The following LTBP2 variants were observed in gnomAD, a reference collection of about 807,000 sequenced individuals.
LTBP2 encodes the protein latent-transforming growth factor beta-binding protein 2.
A neutral mutation model predicts 210.6 loss-of-function variants in LTBP2; 103 were observed. The observed-to-expected ratio is 0.49, with a 90% CI of 0.42 to 0.58. The LOEUF is 0.58. LTBP2 is among the 20% of genes least tolerant of loss of function. LTBP2 has a pLI of 0.00. For missense variants in LTBP2, 2,313 were observed against 2,494.5 expected (o/e 0.93, Z 1.55); for synonymous variants, 1,007 against 1,015.0 (o/e 0.99, Z 0.15).
At chr14:74,536,212 A>G (rs2087419970) in intron 8 of LTBP2, among the ~76,000 whole-genome samples, 1 of 152,218 alleles carries the variant, frequency 6.6e-6, no homozygotes, top group Admixed American at 6.5e-5. Context: ...TACTAAGTGA[A>G]ATAAGACAGG....
At chr14:74,532,390 A>G in intron 10 of LTBP2, 36 bp downstream of exon 10, 1 of 1,612,164 alleles carries the variant, frequency 6.2e-7, no homozygotes, top group Non-Finnish European at 8.5e-7. Flanking sequence ...CTTGTCTCCC[A>G]CTGTCCACCC....
chr14:74,555,619 G>T lies in LTBP2; in HGVS notation c.905C>A (p.Pro302Gln). Residue 302 changes from proline to glutamine, a missense_variant, in exon 4 of 36, where the codon CCG (proline) becomes CAG (glutamine). Around this residue, in one of 3 missense-constraint regions of LTBP2, gnomAD observed 1,867 missense variants for 1,976.9 expected, o/e 0.94. Coordinates refer to ENST00000261978, the MANE Select transcript of LTBP2 (RefSeq NM_000428.3). ...VGLSRTVRLHPTATASSQLSS... is the reference protein window; with the variant it reads ...VGLSRTVRLHQTATASSQLSS... ...GAGCTGGCTACTGGCCGTGGCAGTC[G>T]GGTGAAGTCGGACAGTGCGGGACAA... 6.2e-7 allele frequency: 1 copy of T among 1,609,370 alleles called. No individual in the cohort carries two copies. The highest frequency in any genetic ancestry group is 8.5e-7 in the Non-Finnish European group (1 of 1,177,110).
chr14:74,502,418 A>C (rs2086920946), intron 34 of LTBP2: 1 of 636,336 alleles, frequency 1.6e-6, no homozygotes, highest in African/African-American at 1.8e-5. Context: ...AGGTTGGGAC[A>C]GGGGCAGTGT....
rs61729544 is a variant in LTBP2 at position 74,509,308 on chromosome 14, C to A, written c.3333G>T (p.Thr1111=). The part of the protein sequence containing the change: ...GVCPSGVCTN[T]AGSFSCKDCD... ...AGTCCTTGCAGGAGAAGGAGCCAGC[C>A]GTGTTGGTGCAGACTCCGGAGGGGC... Residue 1111 remains threonine (T), a synonymous_variant, in exon 22 of 36, where the codon ACG becomes ACT. Transcript: ENST00000261978. 1.9e-6 allele frequency: 3 copies of A among 1,613,676 alleles called. No individual in the cohort carries two copies. The highest frequency in any genetic ancestry group is 3.3e-5 in the Admixed American group (2 of 60,024).
rs147745131 is a variant in LTBP2, at chr14:74,516,788, GT to G, written c.2908+33del. On this transcript the variant is annotated intron_variant, in intron 18 of 35. Transcript: ENST00000261978. ...TAGGGAGGGACAGGTGGGTGGTGGG[GT>G]GGCAGGGCGCTTCCCTCCTTCCCGT... The G allele has an allele frequency of 0.42, 645,760 of 1,537,392 alleles. 139,741 individuals are homozygous for G. The highest frequency in any genetic ancestry group is 0.45 in the Non-Finnish European group (512,050 of 1,137,094).
chr14:74,538,804 A>G (rs183063157), intron 8 of LTBP2, among the ~76,000 whole-genome samples: 69 of 152,354 alleles, frequency 4.5e-4, no homozygotes, highest in African/African-American at 1.6e-3. Flanking sequence ...TGCACGTTCC[A>G]TGTAGGGACC....
intron 31 of LTBP2, 39 bp from the exon 32 acceptor site, chr14:74,503,645 C>A: frequency 6.2e-7 from 1 of 1,610,194 alleles, no homozygotes; most frequent in Non-Finnish European, 8.5e-7. Context: ...GCCAAGGTGG[C>A]CTTTCCACCA....
chr14:74,542,320 C>T lies in LTBP2; in HGVS notation c.1790-6320G>A, dbSNP rs1362196353. Among the ~76,000 whole-genome samples the T allele has an allele frequency of 3.8e-4, 58 of 152,338 alleles. 1 individual carries two copies. The highest frequency in any genetic ancestry group is 1.0e-4 in the Non-Finnish European group (7 of 68,028). ...AGCCTGCCCCTGCCCTGCTAACTCT[C>T]CCCCTCGGCTGCTGGGACTCCCAAG... On this transcript the variant is annotated intron_variant, in intron 8 of 35. Coordinates refer to ENST00000261978, the MANE Select transcript of LTBP2 (RefSeq NM_000428.3).
At chr14:74,539,612 A>G (rs769304735) in intron 8 of LTBP2, among the ~76,000 whole-genome samples, 19 of 152,024 alleles carry the variant, frequency 1.2e-4, no homozygotes, top group Non-Finnish European at 2.6e-4. Context: ...GGGCTGAGGT[A>G]GGAGGATCAC....
intron 1 of LTBP2, among the ~76,000 whole-genome samples, chr14:74,608,356 C>T (rs2088556880): frequency 6.6e-6 from 1 of 151,808 alleles, no homozygotes; most frequent in African/African-American, 2.4e-5. Context: ...AATAACAGAA[C>T]AAGAGGGAAA....
At chr14:74,519,020 T>C (rs1459566360) in intron 17 of LTBP2, among the ~76,000 whole-genome samples, 1 of 152,110 alleles carries the variant, frequency 6.6e-6, no homozygotes, top group African/African-American at 2.4e-5. Flanking sequence ...GAGACGTGAA[T>C]AGAGAAAGAC....
At chr14:74,540,801 A>AT (rs2087485674) in intron 8 of LTBP2, among the ~76,000 whole-genome samples, 1 of 16,862 alleles carries the variant, frequency 5.9e-5, no homozygotes, top group Non-Finnish European at 1.5e-3. Flanking sequence ...ATATTTATAT[A>AT]TATATATAAT....
Position 74,551,253 on chromosome 14 carries a change from C to A in LTBP2, c.1497G>T (p.Glu499Asp). ...HQVAQVRGGVEEALVENSVET... is the reference protein window; with the variant it reads ...HQVAQVRGGVDEALVENSVET... ...CCACGCTGTTCTCCACTAGGGCCTC[C>A]TCCACCCCGCCCCGCACCTGGGCCA... The change falls in exon 7 of 36, where the codon GAG becomes GAT. Residue 499 changes from glutamate to aspartate, a missense_variant. By Grantham distance (45) the Glu-to-Asp change is conservative (BLOSUM62 2). Coordinates refer to ENST00000261978, the MANE Select transcript of LTBP2 (RefSeq NM_000428.3). 6.2e-7 allele frequency: 1 copy of A among 1,611,806 alleles called. No homozygotes were observed. The highest frequency in any genetic ancestry group is 8.5e-7 in the Non-Finnish European group (1 of 1,179,328).
chr14:74,611,659 T>TG lies in LTBP2; in HGVS notation c.285dup (p.Arg96GlnfsTer130). On this transcript the variant is annotated frameshift_variant, in exon 1 of 36. Coordinates refer to ENST00000261978, the MANE Select transcript of LTBP2 (RefSeq NM_000428.3). LOFTEE classifies it high-confidence loss of function. ...CTGGCCTCCGCCTCGGTGGGCCTCC[T>TG]GGGGCTCCCCCAGCCCGGCTGGGCC... 12 of 1,558,566 alleles carry TG rather than the reference T, an allele frequency of 7.7e-6. No individual in the cohort carries two copies. Among genetic ancestry groups the TG allele is most frequent in the Non-Finnish European group, 1.0e-5 (12 of 1,158,050 alleles).
In LTBP2 at chr14:74,507,363, G is replaced by T; in HGVS notation, c.3776-53C>A. 1.9e-6 allele frequency: 3 copies of T among 1,612,248 alleles called. No individual in the cohort carries two copies. The South Asian group carries it at 3.3e-5, about 18-fold the overall frequency. On this transcript the variant is annotated intron_variant, in intron 25 of 35. Transcript: ENST00000261978. ...GGACAGAGGTGGCCAGGTCACTGCT[G>T]TGGTCCCACAGGGTCATGCCCCACA...
At chr14:74,505,442 TC>T (rs2139690516) in intron 28 of LTBP2, among the ~76,000 whole-genome samples, 1 of 152,286 alleles carries the variant, frequency 6.6e-6, no homozygotes, top group Admixed American at 6.5e-5. Context: ...TGACCCCAGT[TC>T]CTCCTCCCCT....
At chr14:74,566,228 G>T (rs776756125) in intron 3 of LTBP2, among the ~76,000 whole-genome samples, 1 of 152,186 alleles carries the variant, frequency 6.6e-6, no homozygotes, top group Non-Finnish European at 1.5e-5. Flanking sequence ...TTTGAGAAAT[G>T]TAAGAGGAAA....
chr14:74,504,162 A>C, intron 30 of LTBP2, 108 bp from the exon 31 acceptor site: 1 of 1,435,298 alleles, frequency 7.0e-7, no homozygotes, highest in South Asian at 1.2e-5. Flanking sequence ...TCTGCCACTT[A>C]CTAGGTGGCT....
chr14:74,603,574 G>C, intron 2 of LTBP2, 61 bp downstream of exon 2: 1 of 1,552,914 alleles, frequency 6.4e-7, no homozygotes, highest in Admixed American at 1.7e-5. Context: ...TGGGAGTAGG[G>C]TGGGGAATGG....
Sources: allele counts gnomAD v4.1 joint callset (sites outside exome capture counted in the v4.1 genomes callset), GRCh38; gene constraint gnomAD v4.1.1; regional missense constraint gnomAD v4.1.1; transcripts MANE v1.5; gene names NCBI Gene and HGNC (gene_info 2026-07-23, HGNC 2026-07-21).